The following STK33 variants were observed in gnomAD, a reference collection of about 807,000 sequenced individuals.
STK33 encodes serine/threonine kinase 33.
A neutral mutation model predicts 58.0 loss-of-function variants in STK33; 52 were observed. That is an observed-to-expected ratio of 0.90 (90% confidence interval 0.72 to 1.13). The LOEUF (loss-of-function observed/expected upper bound fraction) is 1.13. STK33 is among the 50% of genes most tolerant of loss of function. The probability of loss-of-function intolerance (pLI) is 0.00; values close to 1 mark genes in which losing one functional copy is unlikely to be tolerated. For missense variants in STK33, 630 were observed against 604.2 expected (o/e 1.04, Z -0.45); for synonymous variants, 215 against 200.1 (o/e 1.07, Z -0.63).
intron 1 of STK33, among the ~76,000 whole-genome samples, chr11:8,507,961 G>A (rs1242343645): frequency 1.3e-5 from 2 of 152,126 alleles, no homozygotes; most frequent in Non-Finnish European, 2.9e-5. Flanking sequence ...CACGATCTCG[G>A]CTCACTGCAA....
chr11:8,444,425 T>G (rs932650258), intron 11 of STK33, among the ~76,000 whole-genome samples: 1 of 152,182 alleles, frequency 6.6e-6, no homozygotes, highest in Non-Finnish European at 1.5e-5. Context: ...GAATGTTAAG[T>G]TCCATGAAGG....
At chr11:8,414,228 G>C (rs574857551) in intron 14 of STK33, among the ~76,000 whole-genome samples, 1 of 152,254 alleles carries the variant, frequency 6.6e-6, no homozygotes, top group African/African-American at 2.4e-5. Flanking sequence ...GTGGTCATTT[G>C]ATTATAACTG....
chr11:8,402,382 A>T (rs1185478732), intron 15 of STK33, among the ~76,000 whole-genome samples: 1 of 151,614 alleles, frequency 6.6e-6, no homozygotes, highest in Admixed American at 6.6e-5. Context: ...ACCAAACACC[A>T]CGTGTTCTCA....
At chr11:8,526,164 C>T (rs1302770265) in intron 1 of STK33, among the ~76,000 whole-genome samples, 3 of 151,926 alleles carry the variant, frequency 2.0e-5, no homozygotes, top group Admixed American at 6.6e-5. Context: ...TTTGGGAGGC[C>T]GAGGGAGGAA....
At chr11:8,339,864 C>A in the STK33 span, among the ~76,000 whole-genome samples, 1 of 152,354 alleles carries the variant, frequency 6.6e-6, no homozygotes, top group South Asian at 2.1e-4. Flanking sequence ...CCACGCCTCA[C>A]CACGCCCCTC....
At chr11:8,569,680 G>A (rs1215313424) in intron 1 of STK33, among the ~76,000 whole-genome samples, 1 of 152,168 alleles carries the variant, frequency 6.6e-6, no homozygotes, top group African/African-American at 2.4e-5. Context: ...TAGGTGGCCA[G>A]GAATGGTGGC....
At chr11:8,464,103 AT>A (rs1319338811) in intron 7 of STK33, among the ~76,000 whole-genome samples, 1 of 152,210 alleles carries the variant, frequency 6.6e-6, no homozygotes, top group Non-Finnish European at 1.5e-5. Context: ...AGGCACAGAA[AT>A]GAAAAAGGTT....
the STK33 span, among the ~76,000 whole-genome samples, chr11:8,371,038 G>A: frequency 6.6e-6 from 1 of 152,152 alleles, no homozygotes; most frequent in Non-Finnish European, 1.5e-5. Context: ...AGGGCTGTTG[G>A]GGGCTGAGGA....
intron 1 of STK33, among the ~76,000 whole-genome samples, chr11:8,494,866 T>C (rs1253551670): frequency 1.3e-5 from 2 of 152,218 alleles, no homozygotes; most frequent in Non-Finnish European, 1.5e-5. Context: ...ATTTAATAAA[T>C]GGTGCTGGGA....
chr11:8,337,774 T>TG, the STK33 span, among the ~76,000 whole-genome samples: 1 of 152,066 alleles, frequency 6.6e-6, no homozygotes, highest in Non-Finnish European at 1.5e-5. Context: ...TGGCTGAGTA[T>TG]GCCACATACA....
At chr11:8,390,544 C>T (rs1031933562), downstream of STK33, among the ~76,000 whole-genome samples, 3 of 152,044 alleles carry the variant, frequency 2.0e-5, no homozygotes, top group Non-Finnish European at 4.4e-5. Flanking sequence ...TTCTACACAA[C>T]GAAGTAACAA....
At chr11:8,527,243 T>C (rs1954123470) in intron 1 of STK33, among the ~76,000 whole-genome samples, 1 of 152,048 alleles carries the variant, frequency 6.6e-6, no homozygotes, top group Non-Finnish European at 1.5e-5. Flanking sequence ...CCCAAAGTGC[T>C]GGGCTTACAG....
chr11:8,528,908 C>T (rs537269632), intron 1 of STK33, among the ~76,000 whole-genome samples: 109 of 152,294 alleles, frequency 7.2e-4, no homozygotes, highest in African/African-American at 2.5e-3. Flanking sequence ...TGAACACTTG[C>T]TATAAATTAC....
chr11:8,443,599 CAA>C (rs34212152), intron 11 of STK33, among the ~76,000 whole-genome samples: 51 of 145,066 alleles, frequency 3.5e-4, no homozygotes, highest in Non-Finnish European at 3.8e-4. Context: ...CACCGTATGG[CAA>C]AAAAAAAAAA....
chr11:8,365,385 G>T, the STK33 span, among the ~76,000 whole-genome samples: 1 of 152,178 alleles, frequency 6.6e-6, no homozygotes, highest in African/African-American at 2.4e-5. Context: ...ACTCAGCTCA[G>T]CCCCGCTGCC....
chr11:8,473,237 G>A lies in STK33; in HGVS notation c.265C>T (p.Gln89Ter), dbSNP rs1565119495. ...TSNVERKASQ[Q>*]QWGRGNFTEG... Reference sequence around the variant, plus strand: ...GTAAAGTTGCCCCGACCCCATTGTTGCTGAGATGCTTTTCTCTCTACATTT... The same window carrying A: ...GTAAAGTTGCCCCGACCCCATTGTTACTGAGATGCTTTTCTCTCTACATTT... The change falls in exon 6 of 16, where the codon CAA becomes TAA. Residue 89 changes from glutamine to a stop codon, truncating the protein, a stop_gained. Coordinates refer to ENST00000687296, the MANE Select transcript of STK33 (RefSeq NM_001352389.2). LOFTEE classifies it high-confidence loss of function. 2 of 1,612,582 alleles carry A rather than the reference G, an allele frequency of 1.2e-6. No homozygotes were observed. Among genetic ancestry groups the A allele is most frequent in the South Asian group, 1.1e-5 (1 of 90,994 alleles).
At chr11:8,517,901 G>A (rs1952960780) in intron 1 of STK33, among the ~76,000 whole-genome samples, 2 of 152,154 alleles carry the variant, frequency 1.3e-5, no homozygotes, top group South Asian at 4.1e-4. Flanking sequence ...ATGGAACCAA[G>A]TTGGAAAACC....
chr11:8,529,681 T>C (rs1214505339), intron 1 of STK33, among the ~76,000 whole-genome samples: 1 of 150,852 alleles, frequency 6.6e-6, no homozygotes, highest in Non-Finnish European at 1.5e-5. Context: ...ATAATAGGAG[T>C]CTCAGAGTGA....
intron 1 of STK33, among the ~76,000 whole-genome samples, chr11:8,527,478 G>GTT (rs548742894): frequency 4.1e-5 from 6 of 145,176 alleles, no homozygotes; most frequent in African/African-American, 1.5e-4. Flanking sequence ...GTGAGTTTTT[G>GTT]TTTTTTTTTT....
Sources: allele counts gnomAD v4.1 joint callset (sites outside exome capture counted in the v4.1 genomes callset), GRCh38; gene constraint gnomAD v4.1.1; transcripts MANE v1.5; gene names NCBI Gene and HGNC (gene_info 2026-07-23, HGNC 2026-07-21).